The following ATP1B1 variants were observed in gnomAD, a reference collection of about 807,000 sequenced individuals.
ATP1B1 encodes ATPase Na+/K+ transporting subunit beta 1, also known as sodium/potassium-transporting ATPase subunit beta-1.
A neutral mutation model predicts 39.6 loss-of-function variants in ATP1B1; 3 were observed. The ratio of observed to expected loss-of-function variants is 0.08; its 90% CI spans 0.03 to 0.20. The LOEUF is 0.20. Ranked by LOEUF, ATP1B1 falls within the 10% of genes least tolerant of loss-of-function variation. The probability of loss-of-function intolerance (pLI) is 1.00; values close to 1 mark genes in which losing one functional copy is unlikely to be tolerated. For synonymous variants in ATP1B1, 139 were observed against 135.0 expected (o/e 1.03, Z -0.20); for missense variants, 216 against 371.1 (o/e 0.58, Z 3.43).
intron 1 of ATP1B1, chr1:169,110,480 C>A: frequency 5.0e-6 from 2 of 402,226 alleles, no homozygotes; most frequent in Admixed American, 4.1e-5. Context: ...ATGCCTAGTA[C>A]AGCCTGTTAC....
At chr1:169,127,549 C>T (rs1658114292) in intron 4 of ATP1B1, 141 bp downstream of exon 4, 1 of 812,296 alleles carries the variant, frequency 1.2e-6, no homozygotes, top group African/African-American at 1.8e-5. Flanking sequence ...ACACCAAAAA[C>T]TTCTGTATCC....
At chr1:169,112,626 A>G (rs1657751227) in intron 2 of ATP1B1, among the ~76,000 whole-genome samples, 1 of 152,216 alleles carries the variant, frequency 6.6e-6, no homozygotes, top group South Asian at 2.1e-4. Flanking sequence ...TGAATGTGGG[A>G]AGGATTCACA....
Position 169,116,954 on chromosome 1 carries a change from A to G in ATP1B1, c.226+5456A>G, listed in dbSNP as rs1355404858. ...TAAGTAAAATTCCTGAGAAGTCATT[A>G]TGTCAGTCTCAGAATACCTAATTTT... On this transcript the variant is annotated intron_variant, in intron 2 of 5. Transcript: ENST00000367815. Among the ~76,000 whole-genome samples the G allele has an allele frequency of 3.9e-5, 6 of 152,136 alleles. No individual in the cohort carries two copies. The East Asian group carries it at 1.2e-3, about 29-fold the overall frequency.
At chr1:169,123,593 A>G (rs1658029098) in intron 2 of ATP1B1, among the ~76,000 whole-genome samples, 2 of 149,712 alleles carry the variant, frequency 1.3e-5, no homozygotes, top group African/African-American at 2.4e-5. Context: ...CTCTATATAT[A>G]TATATATTTA....
chr1:169,117,588 G>C (rs1206050728), intron 2 of ATP1B1, among the ~76,000 whole-genome samples: 5 of 151,260 alleles, frequency 3.3e-5, no homozygotes, highest in African/African-American at 4.9e-5. Flanking sequence ...AAAAAAAAAA[G>C]CTGGATTTGT....
At chr1:169,124,786 G>A in intron 2 of ATP1B1, 98 bp from the exon 3 acceptor site, 1 of 1,390,666 alleles carries the variant, frequency 7.2e-7, no homozygotes, top group African/African-American at 1.5e-5. Flanking sequence ...TTTTAGCCAA[G>A]TGGAGTTAGC....
At position 169,132,019 on chromosome 1, in the gene ATP1B1, A is replaced by ATTTTTTCTTTTT; in HGVS notation, c.*470_*471insCTTTTTTTTTTT. The ATTTTTTCTTTTT allele has an allele frequency of 5.4e-6, 1 of 184,116 alleles. No homozygotes were observed. The highest frequency in any genetic ancestry group is 1.0e-5 in the Non-Finnish European group (1 of 98,398). The allele number at this position is 184,116 out of a possible 1,614,324, so 11.4% of individuals were successfully genotyped here. A position where few individuals can be genotyped will look rare whatever the true frequency, so the allele number is the denominator to read the frequency against. ...CAACGGGAATAAAACTGGCATGGTA[A>ATTTTTTCTTTTT]TTTTTTTTTTTTTTTTTTTTTTGTT... On this transcript the variant is annotated 3_prime_UTR_variant, in exon 6 of 6. Transcript: ENST00000367815.
chr1:169,125,315 C>T (rs538579651), intron 3 of ATP1B1, among the ~76,000 whole-genome samples: 1 of 146,936 alleles, frequency 6.8e-6, no homozygotes, highest in Admixed American at 6.7e-5. Flanking sequence ...ACAGCAATTC[C>T]GGTTTTCTTT....
At chr1:169,125,936 C>T (rs2101790389) in intron 3 of ATP1B1, among the ~76,000 whole-genome samples, 2 of 152,274 alleles carry the variant, frequency 1.3e-5, no homozygotes, top group Admixed American at 1.3e-4. Flanking sequence ...GATCACGCCA[C>T]AGCACTCCAG....
chr1:169,125,343 A>G (rs1658065062), intron 3 of ATP1B1, among the ~76,000 whole-genome samples: 1 of 151,942 alleles, frequency 6.6e-6, no homozygotes, highest in Non-Finnish European at 1.5e-5. Context: ...ATCCGTTGAA[A>G]AGTACAGCTA....
chr1:169,114,487 C>T (rs1657799237), intron 2 of ATP1B1, among the ~76,000 whole-genome samples: 1 of 152,146 alleles, frequency 6.6e-6, no homozygotes, highest in Non-Finnish European at 1.5e-5. Flanking sequence ...ACCGGAATAC[C>T]TTGTAGTTGG....
rs557730045 is a variant in ATP1B1, at chr1:169,112,772, A to C, written c.226+1274A>C. On this transcript the variant is annotated intron_variant, in intron 2 of 5. Transcript: ENST00000367815. ...AGGGATTGGGGAAGTGGAAAAAAAA[A>C]ATCACGTAAGTAAATAACATAACTT... 2.3e-4 allele frequency among the ~76,000 whole-genome samples: 35 copies of C among 152,352 alleles called. 2 individuals are homozygous for C. The South Asian group carries it at 6.4e-3, about 28-fold the overall frequency.
At chr1:169,122,556 T>C (rs1357779123) in intron 2 of ATP1B1, among the ~76,000 whole-genome samples, 1 of 152,114 alleles carries the variant, frequency 6.6e-6, no homozygotes, top group Non-Finnish European at 1.5e-5. Context: ...ATATTTAAAT[T>C]GCTTTAGAAA....
At chr1:169,123,690 G>A (rs1658032294) in intron 2 of ATP1B1, among the ~76,000 whole-genome samples, 2 of 150,898 alleles carry the variant, frequency 1.3e-5, no homozygotes. Flanking sequence ...GCAGTGGCAC[G>A]ATCTTGGCTC....
chr1:169,132,146 G>A lies in ATP1B1; in HGVS notation c.*591G>A. The A allele has an allele frequency of 1.7e-6, 1 of 604,854 alleles. No homozygotes were observed. The highest frequency in any genetic ancestry group is 3.2e-6 in the Non-Finnish European group (1 of 316,850). 37.5% of individuals were successfully genotyped at this position (604,854 alleles called of 1,614,324 possible). A position where few individuals can be genotyped will look rare whatever the true frequency, so the allele number is the denominator to read the frequency against. On this transcript the variant is annotated 3_prime_UTR_variant, in exon 6 of 6. Transcript: ENST00000367815. The stretch of plus-strand genomic sequence containing the variant: ...GTCTTTATTTTTATTTTTTTCCTGG[G>A]GGCTGGGGTGGGGGTTTGTCATGGG...
intron 2 of ATP1B1, among the ~76,000 whole-genome samples, chr1:169,123,871 C>T (rs1182328280): frequency 6.6e-6 from 1 of 152,172 alleles, no homozygotes; most frequent in African/African-American, 2.4e-5. Context: ...AGGTGATCCA[C>T]CCATCTTGGC....
At chr1:169,130,866 C>T (rs528265704) in intron 5 of ATP1B1, among the ~76,000 whole-genome samples, 4 of 151,224 alleles carry the variant, frequency 2.6e-5, no homozygotes, top group South Asian at 2.1e-4. Context: ...ACTAATGGAC[C>T]GTTTAGAGAG....
rs545221076 is a variant in ATP1B1, at chr1:169,131,194, T to C, written c.649-98T>C. The C allele has an allele frequency of 6.9e-7, 1 of 1,439,670 alleles. No homozygotes were observed. Among genetic ancestry groups the C allele is most frequent in the African/African-American group, 1.4e-5 (1 of 70,576 alleles). The allele number at this position is 1,439,670 out of a possible 1,614,324, so 89.2% of individuals were successfully genotyped here. Reference sequence around the variant, plus strand: ...GAGTAGATGTTCTTTCCTCTCTCAGTAGTTTGCAAACTACTGTGTAGATTG... The same window carrying C: ...GAGTAGATGTTCTTTCCTCTCTCAGCAGTTTGCAAACTACTGTGTAGATTG... On this transcript the variant is annotated intron_variant, in intron 5 of 5. Coordinates refer to ENST00000367815, the MANE Select transcript of ATP1B1 (RefSeq NM_001677.4). This position sits in a 1 kb window ranked among gnomAD's most constrained non-coding sequence, Gnocchi z 4.4.
At chr1:169,116,378 A>G (rs1657847729) in intron 2 of ATP1B1, among the ~76,000 whole-genome samples, 1 of 152,148 alleles carries the variant, frequency 6.6e-6, no homozygotes, top group Non-Finnish European at 1.5e-5. Context: ...CTGTTTGTTT[A>G]GCTCTGAAGT....
Sources: allele counts gnomAD v4.1 joint callset (sites outside exome capture counted in the v4.1 genomes callset), GRCh38; gene constraint gnomAD v4.1.1; non-coding constraint Gnocchi (gnomAD v3.1); transcripts MANE v1.5; gene names NCBI Gene and HGNC (gene_info 2026-07-23, HGNC 2026-07-21).